SKIC3: variants seen among roughly 807,000 people sequenced by gnomAD.
SKIC3 encodes the protein SKI3 subunit of superkiller complex, also known as superkiller complex protein 3.
the SKIC3 span, chr5:95,467,914 C>A: frequency 6.2e-7 from 1 of 1,613,550 alleles, no homozygotes; most frequent in Non-Finnish European, 8.5e-7. Context: ...TCAGTAGGTA[C>A]CAACGTGCAG....
At chr5:95,499,347 C>T in the SKIC3 span, among the ~76,000 whole-genome samples, 109 of 152,218 alleles carry the variant, frequency 7.2e-4, no homozygotes, top group Middle Eastern at 6.8e-3. Flanking sequence ...TTTTCTCTTC[C>T]TCCTGCTCTG....
chr5:95,528,257 A>G, the SKIC3 span: 1 of 1,408,418 alleles, frequency 7.1e-7, no homozygotes, highest in Non-Finnish European at 1.0e-6. Context: ...ATAAGCATAA[A>G]TTTCCAAAAC....
chr5:95,504,030 C>T, the SKIC3 span: 48 of 1,357,914 alleles, frequency 3.5e-5, no homozygotes, highest in South Asian at 3.5e-5. Flanking sequence ...TAAGTTGGGC[C>T]GGACGCGGTG....
At chr5:95,479,003 C>T in the SKIC3 span, among the ~76,000 whole-genome samples, 4 of 151,942 alleles carry the variant, frequency 2.6e-5, no homozygotes, top group Non-Finnish European at 4.4e-5. Flanking sequence ...TTAAAGGTTC[C>T]AGACAGTACA....
chr5:95,541,851 G>A, the SKIC3 span: 1 of 1,613,032 alleles, frequency 6.2e-7, no homozygotes, highest in South Asian at 1.1e-5. Context: ...GTAAACACCA[G>A]GCAAGTCATC....
chr5:95,542,325 T>A, the SKIC3 span, among the ~76,000 whole-genome samples: 3 of 152,272 alleles, frequency 2.0e-5, no homozygotes, highest in East Asian at 5.8e-4. Context: ...GTTTTTAAGG[T>A]GTACAACTTG....
chr5:95,480,115 A>G, the SKIC3 span, among the ~76,000 whole-genome samples: 1 of 152,134 alleles, frequency 6.6e-6, no homozygotes, highest in Non-Finnish European at 1.5e-5. Context: ...AGACCTAAAC[A>G]TGAAAAGTAA....
At chr5:95,499,459 C>T in the SKIC3 span, among the ~76,000 whole-genome samples, 1 of 152,152 alleles carries the variant, frequency 6.6e-6, no homozygotes, top group East Asian at 1.9e-4. Flanking sequence ...GTGCAGCCTG[C>T]AGAACCTTGA....
the SKIC3 span, chr5:95,497,379 T>C: frequency 6.6e-7 from 1 of 1,519,078 alleles, no homozygotes; most frequent in East Asian, 2.3e-5. Flanking sequence ...TCACAAGTTA[T>C]TTTATCTCTT....
chr5:95,464,711 T>C, the SKIC3 span: 4 of 1,562,226 alleles, frequency 2.6e-6, no homozygotes, highest in African/African-American at 1.4e-5. Context: ...GGAACGTCAG[T>C]ATTTTGTTTA....
At chr5:95,530,066 C>T in the SKIC3 span, 3 of 1,610,894 alleles carry the variant, frequency 1.9e-6, no homozygotes, top group Non-Finnish European at 1.7e-6. Flanking sequence ...CTTCACGTTA[C>T]ATGCCATACA....
the SKIC3 span, chr5:95,522,123 A>G: frequency 1.2e-6 from 2 of 1,613,816 alleles, no homozygotes; most frequent in South Asian, 2.2e-5. Context: ...GCCTCCTTAT[A>G]TTTGCCTAGG....
the SKIC3 span, among the ~76,000 whole-genome samples, chr5:95,526,708 A>G: frequency 6.6e-6 from 1 of 152,094 alleles, no homozygotes; most frequent in African/African-American, 2.4e-5. Context: ...ACCTCAAGTG[A>G]TCCACCTGCC....
chr5:95,535,307 A>ATTTTTTTTTTTTTTTTTT, the SKIC3 span, among the ~76,000 whole-genome samples: 1 of 91,808 alleles, frequency 1.1e-5, no homozygotes, highest in Non-Finnish European at 2.1e-5. Context: ...GGTAACAGCA[A>ATTTTTTTTTTTTTTTTTT]TTTTTTTTTT....
the SKIC3 span, chr5:95,543,369 G>A: frequency 2.5e-6 from 4 of 1,598,830 alleles, no homozygotes; most frequent in East Asian, 4.5e-5. Context: ...GTAAATTTTC[G>A]AAGCAAATGA....
At chr5:95,533,036 T>C in the SKIC3 span, among the ~76,000 whole-genome samples, 1 of 152,192 alleles carries the variant, frequency 6.6e-6, no homozygotes, top group Non-Finnish European at 1.5e-5. Context: ...CTAATAGTTT[T>C]AAAGCAGAAA....
chr5:95,501,237 A>G, the SKIC3 span, among the ~76,000 whole-genome samples: 1 of 152,174 alleles, frequency 6.6e-6, no homozygotes, highest in Admixed American at 6.5e-5. Context: ...AACAAAATCT[A>G]AATTATGACT....
the SKIC3 span, chr5:95,536,751 G>A: frequency 2.3e-6 from 3 of 1,318,010 alleles, no homozygotes; most frequent in Non-Finnish European, 3.3e-6. Flanking sequence ...AACATTTTTT[G>A]ATTAATAACA....
At chr5:95,474,446 A>C in the SKIC3 span, among the ~76,000 whole-genome samples, 3 of 152,246 alleles carry the variant, frequency 2.0e-5, no homozygotes, top group Admixed American at 2.0e-4. Flanking sequence ...AATAGGTGCC[A>C]AACTCTTCTG....
Sources: allele counts gnomAD v4.1 joint callset (sites outside exome capture counted in the v4.1 genomes callset), GRCh38; gene constraint gnomAD v4.1.1; transcripts MANE v1.5; gene names NCBI Gene and HGNC (gene_info 2026-07-23, HGNC 2026-07-21).